SGCG: variants seen among roughly 807,000 people sequenced by gnomAD.
The protein encoded by SGCG is gamma-sarcoglycan.
A neutral mutation model predicts 29.3 loss-of-function variants in SGCG; 26 were observed. That is an observed-to-expected ratio of 0.89 (90% CI 0.65 to 1.23). The LOEUF (loss-of-function observed/expected upper bound fraction) is 1.23. SGCG is among the 50% of genes most tolerant of loss of function. The pLI, the probability that SGCG is intolerant of heterozygous loss-of-function variation, is 0.00. For missense variants in SGCG, 353 were observed against 356.0 expected (o/e 0.99, Z 0.07); for synonymous variants, 145 against 129.7 (o/e 1.12, Z -0.80).
intron 3 of SGCG, among the ~76,000 whole-genome samples, chr13:23,238,665 A>G (rs1879397331): frequency 6.6e-6 from 1 of 152,248 alleles, no homozygotes; most frequent in Non-Finnish European, 1.5e-5. Context: ...TCCATCCCAG[A>G]ACAGAGTTCT....
the SGCG span, among the ~76,000 whole-genome samples, chr13:23,163,563 A>C: frequency 6.6e-6 from 1 of 152,190 alleles, no homozygotes. Context: ...TGGTTGCTTC[A>C]GGTACAAAAC....
At chr13:23,220,529 A>G (rs1878619753) in intron 2 of SGCG, among the ~76,000 whole-genome samples, 1 of 152,244 alleles carries the variant, frequency 6.6e-6, no homozygotes, top group East Asian at 1.9e-4. Context: ...AGAAGATATC[A>G]TTCAGTTGAA....
intron 5 of SGCG, among the ~76,000 whole-genome samples, chr13:23,284,762 T>C (rs1006705322): frequency 7.0e-6 from 1 of 143,596 alleles, no homozygotes; most frequent in Admixed American, 7.1e-5. Flanking sequence ...CTTTGCTCTT[T>C]GATGTTGGTG....
chr13:23,283,609 T>C (rs1253842414), intron 5 of SGCG, among the ~76,000 whole-genome samples: 1 of 152,224 alleles, frequency 6.6e-6, no homozygotes, highest in Non-Finnish European at 1.5e-5. Context: ...ATTTAGCCCA[T>C]TTACATCTAA....
intron 6 of SGCG, among the ~76,000 whole-genome samples, chr13:23,300,851 C>T (rs796130935): frequency 1.3e-5 from 2 of 149,982 alleles, no homozygotes; most frequent in African/African-American, 2.5e-5. Context: ...CGCGGTGGCT[C>T]ACGCCTGTAA....
At chr13:23,250,062 T>C (rs1879902089) in intron 3 of SGCG, among the ~76,000 whole-genome samples, 1 of 152,242 alleles carries the variant, frequency 6.6e-6, no homozygotes. Context: ...GTCGATTTTA[T>C]TGTGTATTTT....
chr13:23,219,825 T>C (rs1203206211), intron 2 of SGCG, among the ~76,000 whole-genome samples: 13 of 142,276 alleles, frequency 9.1e-5, no homozygotes, highest in Non-Finnish European at 1.8e-4. Context: ...ACATTTCTTT[T>C]CCTTTTTTTT....
At chr13:23,287,669 C>CA (rs1245441587) in intron 5 of SGCG, among the ~76,000 whole-genome samples, 2 of 152,226 alleles carry the variant, frequency 1.3e-5, no homozygotes, top group African/African-American at 2.4e-5. Context: ...AAAGTGACAC[C>CA]AAAAAACTTG....
chr13:23,303,620 C>T (rs1179685553), intron 6 of SGCG, among the ~76,000 whole-genome samples: 4 of 152,168 alleles, frequency 2.6e-5, no homozygotes, highest in Non-Finnish European at 5.9e-5. Context: ...CTCCGGAAAT[C>T]ACATACAAGT....
At chr13:23,198,220 C>T (rs4272873) in intron 1 of SGCG, among the ~76,000 whole-genome samples, 34,118 of 149,640 alleles carry the variant, frequency 0.23, 4,180 homozygotes, top group East Asian at 0.35. Context: ...TGGGCATTAT[C>T]CTTGCATTTA....
intron 1 of SGCG, among the ~76,000 whole-genome samples, chr13:23,196,676 C>T (rs1368202858): frequency 6.6e-6 from 1 of 151,998 alleles, no homozygotes; most frequent in African/African-American, 2.4e-5. Context: ...TAACCTTGTC[C>T]TATCTTTAAG....
chr13:23,183,320 C>T (rs997606062), intron 1 of SGCG, among the ~76,000 whole-genome samples: 2 of 152,136 alleles, frequency 1.3e-5, no homozygotes, highest in African/African-American at 2.4e-5. Flanking sequence ...TCAGGAAGAC[C>T]TCGGGAAAAT....
At chr13:23,300,448 G>A (rs1161475787) in intron 6 of SGCG, among the ~76,000 whole-genome samples, 1 of 152,130 alleles carries the variant, frequency 6.6e-6, no homozygotes, top group East Asian at 1.9e-4. Flanking sequence ...CAGTGTGCAT[G>A]AAACACCCTG....
At chr13:23,294,131 A>G (rs4770428) in intron 5 of SGCG, among the ~76,000 whole-genome samples, 18,675 of 152,086 alleles carry the variant, frequency 0.12, 1,265 homozygotes, top group African/African-American at 0.17. Flanking sequence ...GAACCACAAG[A>G]GAGAGAAAAA....
the SGCG span, among the ~76,000 whole-genome samples, chr13:23,170,817 C>T: frequency 6.6e-6 from 1 of 152,192 alleles, no homozygotes; most frequent in Non-Finnish European, 1.5e-5. Context: ...GAGGTAGTGT[C>T]AGGAGCAAGA....
rs1266658158 is a variant in SGCG at position 23,288,854 on chromosome 13, A to G, written c.506-6561A>G. 7.2e-5 allele frequency among the ~76,000 whole-genome samples: 11 copies of G among 152,284 alleles called. No individual in the cohort carries two copies. In the South Asian group the frequency reaches 1.9e-3, roughly 26 times the overall value. On this transcript the variant is annotated intron_variant, in intron 5 of 7. Coordinates refer to ENST00000218867, the MANE Select transcript of SGCG (RefSeq NM_000231.3). The stretch of plus-strand genomic sequence containing the variant: ...ATTTGCTAGGCTCAGTCCATTTCCC[A>G]ATATTATCTTTAAAAACAGAGTTCT...
chr13:23,191,749 T>G (rs2137480704), intron 1 of SGCG, among the ~76,000 whole-genome samples: 1 of 152,204 alleles, frequency 6.6e-6, no homozygotes, highest in East Asian at 1.9e-4. Context: ...CTAATCTTCC[T>G]TCCCGATCCA....
intron 2 of SGCG, among the ~76,000 whole-genome samples, chr13:23,234,213 A>G (rs1879218513): frequency 6.6e-6 from 1 of 152,210 alleles, no homozygotes; most frequent in Admixed American, 6.5e-5. Flanking sequence ...AGGTGATGGA[A>G]CTATACTGTA....
At chr13:23,259,581 G>A (rs1880346169) in intron 4 of SGCG, among the ~76,000 whole-genome samples, 1 of 151,972 alleles carries the variant, frequency 6.6e-6, no homozygotes, top group Non-Finnish European at 1.5e-5. Flanking sequence ...CTTGTCTTCT[G>A]CTAGCTTTTG....
Sources: gnomAD v4.1 joint callset for allele counts (sites outside exome capture counted in the v4.1 genomes callset) on GRCh38, gnomAD v4.1.1 for gene constraint, MANE v1.5 for transcripts, NCBI Gene and HGNC (gene_info 2026-07-23, HGNC 2026-07-21) for gene names.